Variants in PTPRG observed in about 807,000 individuals in gnomAD.
The protein encoded by PTPRG is protein tyrosine phosphatase receptor type G, also known as receptor-type tyrosine-protein phosphatase gamma.
In PTPRG, 102 loss-of-function variants were observed where a neutral mutation model predicts 165.3. The ratio of observed to expected loss-of-function variants is 0.62; its 90% CI spans 0.53 to 0.73. PTPRG has a LOEUF of 0.73. Among genes scored for constraint, PTPRG ranks in the 30% least tolerant of loss-of-function variants. PTPRG has a pLI of 0.00. For synonymous variants in PTPRG, 675 were observed against 669.5 expected, an observed-to-expected ratio of 1.01 and a Z score of -0.13; for missense variants, 1,866 against 1,861.4, an observed-to-expected ratio of 1.00 and a Z score of -0.05.
intron 1 of PTPRG, among the ~76,000 whole-genome samples, chr3:61,729,846 C>T (rs1184936369): frequency 6.6e-6 from 1 of 151,950 alleles, no homozygotes; most frequent in Non-Finnish European, 1.5e-5. Context: ...GCCTAATGTG[C>T]TTCTATAGTG....
At chr3:62,015,652 T>C (rs760536962) in intron 4 of PTPRG, among the ~76,000 whole-genome samples, 7 of 152,102 alleles carry the variant, frequency 4.6e-5, no homozygotes, top group Admixed American at 1.3e-4. Flanking sequence ...ATCTAGTTTA[T>C]GTTTTAGAAG....
At chr3:61,673,699 G>T (rs1180279897) in intron 1 of PTPRG, among the ~76,000 whole-genome samples, 5 of 152,174 alleles carry the variant, frequency 3.3e-5, no homozygotes, top group Non-Finnish European at 5.9e-5. Context: ...CACCACCCGA[G>T]TAATGTACCT....
intron 1 of PTPRG, among the ~76,000 whole-genome samples, chr3:61,572,666 G>GCTTT (rs1435533847): frequency 6.6e-6 from 1 of 152,194 alleles, no homozygotes; most frequent in African/African-American, 2.4e-5. Context: ...ACAGATGGAA[G>GCTTT]CCCCGGCCCT....
chr3:61,941,646 G>A (rs530396418), intron 2 of PTPRG, among the ~76,000 whole-genome samples: 3 of 149,372 alleles, frequency 2.0e-5, no homozygotes, highest in Non-Finnish European at 3.0e-5. Context: ...AAAACAGGTC[G>A]TGATTTATAG....
chr3:61,919,047 G>T (rs1260217094), intron 2 of PTPRG, among the ~76,000 whole-genome samples: 2 of 152,166 alleles, frequency 1.3e-5, no homozygotes, highest in East Asian at 3.9e-4. Context: ...TTTTGCACTT[G>T]GTTCCCTGTG....
intron 1 of PTPRG, among the ~76,000 whole-genome samples, chr3:61,674,089 G>C (rs1436023728): frequency 6.6e-6 from 1 of 151,814 alleles, no homozygotes; most frequent in African/African-American, 2.4e-5. Context: ...TAGATGACGG[G>C]TTGATGGGTG....
intron 5 of PTPRG, among the ~76,000 whole-genome samples, chr3:62,120,205 A>G (rs1703014744): frequency 6.6e-6 from 1 of 152,290 alleles, no homozygotes; most frequent in South Asian, 2.1e-4. Context: ...CAGAGAAAGC[A>G]GGCAAACCAG....
intron 5 of PTPRG, among the ~76,000 whole-genome samples, chr3:62,101,895 C>T (rs189023938): frequency 2.0e-5 from 3 of 152,204 alleles, no homozygotes; most frequent in Non-Finnish European, 4.4e-5. Flanking sequence ...TTTTGCCGTA[C>T]ACAAATAAAC....
intron 4 of PTPRG, among the ~76,000 whole-genome samples, chr3:62,061,941 T>C (rs1700827965): frequency 2.0e-5 from 3 of 152,010 alleles, no homozygotes; most frequent in Admixed American, 2.0e-4. Context: ...CCTGGCTTTC[T>C]CTTGATGCCA....
intron 1 of PTPRG, among the ~76,000 whole-genome samples, chr3:61,661,055 T>TC (rs113048997): frequency 2.0e-5 from 3 of 151,304 alleles, no homozygotes; most frequent in Admixed American, 6.6e-5. Flanking sequence ...GGACACTTTT[T>TC]CCCCCCCTAA....
intron 2 of PTPRG, among the ~76,000 whole-genome samples, chr3:61,866,150 G>T (rs1037846141): frequency 1.3e-5 from 2 of 152,206 alleles, no homozygotes; most frequent in Non-Finnish European, 2.9e-5. Context: ...CGGTCCTCCT[G>T]CATCCAGGAA....
At chr3:61,705,720 A>G (rs995557873) in intron 1 of PTPRG, among the ~76,000 whole-genome samples, 3 of 152,194 alleles carry the variant, frequency 2.0e-5, no homozygotes, top group African/African-American at 7.2e-5. Context: ...TGCACATAGT[A>G]GGGATTAAAT....
intron 5 of PTPRG, among the ~76,000 whole-genome samples, chr3:62,081,117 C>T (rs554552149): frequency 8.0e-4 from 122 of 151,800 alleles, no homozygotes; most frequent in Non-Finnish European, 1.4e-3. Flanking sequence ...ATTAGCCGGG[C>T]GTGGTGGCGG....
At chr3:61,984,993 C>T (rs1022452092) in intron 2 of PTPRG, among the ~76,000 whole-genome samples, 5 of 152,230 alleles carry the variant, frequency 3.3e-5, no homozygotes, top group Non-Finnish European at 7.3e-5. Flanking sequence ...ATTTGCCCTT[C>T]TTACCACTTC....
intron 5 of PTPRG, among the ~76,000 whole-genome samples, chr3:62,092,439 G>GAAACAAAA (rs1701970973): frequency 1.1e-5 from 1 of 89,436 alleles, no homozygotes; most frequent in South Asian, 3.9e-4. Flanking sequence ...GAGTCCATCT[G>GAAACAAAA]AAAAAAAAAA....
In PTPRG at chr3:62,255,348, C is replaced by A; in HGVS notation, c.2559+133C>A. The stretch of plus-strand genomic sequence containing the variant: ...CGGAAAGTGGAGTTTTTCTTTTCAT[C>A]TATTATTTTAATAGGCATTCTTTTC... On this transcript the variant is annotated intron_variant, in intron 16 of 29. Transcript: ENST00000474889. This position sits in a 1 kb window ranked among gnomAD's most constrained non-coding sequence, Gnocchi z 4.0. 1 of 664,698 alleles carries A rather than the reference C, an allele frequency of 1.5e-6. No homozygotes were observed. Among genetic ancestry groups the A allele is most frequent in the Non-Finnish European group, 2.5e-6 (1 of 404,746 alleles). 41.2% of individuals were successfully genotyped at this position (664,698 alleles called of 1,614,324 possible).
At position 61,566,128 on chromosome 3, in the gene PTPRG, T is replaced by C. The variant is rs531296097; in HGVS notation, c.85+3756T>C. On this transcript the variant is annotated intron_variant, in intron 1 of 29. Coordinates refer to ENST00000474889, the MANE Select transcript of PTPRG (RefSeq NM_002841.4). ...AGGCATAAACAGGGCCTTTTGGAAA[T>C]AGGGGAAGTTGCTGTTGTTGCTGAA... Among the ~76,000 whole-genome samples, 12 of 152,270 alleles carry C rather than the reference T, an allele frequency of 7.9e-5. 1 individual carries two copies. In the South Asian group the frequency reaches 2.5e-3, roughly 32 times the overall value.
chr3:61,827,877 C>A (rs1333431280), intron 2 of PTPRG, among the ~76,000 whole-genome samples: 1 of 152,034 alleles, frequency 6.6e-6, no homozygotes, highest in African/African-American at 2.4e-5. Context: ...TTAAATATGT[C>A]TATAACAGAT....
Position 61,569,527 on chromosome 3 carries a change from CA to C in PTPRG, c.85+7156del, listed in dbSNP as rs567413194. Among the ~76,000 whole-genome samples, 280 of 152,212 alleles carry C rather than the reference CA, an allele frequency of 1.8e-3. 1 individual carries two copies. The highest frequency in any genetic ancestry group is 6.1e-3 in the African/African-American group (253 of 41,526). On this transcript the variant is annotated intron_variant, in intron 1 of 29. Coordinates refer to ENST00000474889, the MANE Select transcript of PTPRG (RefSeq NM_002841.4). ...AGACCGGGTCTCTCCCTGTGTTGCC[CA>C]GGCTGGTCTTAAACTCCTGACCTCA...
Sources: gnomAD v4.1 joint callset for allele counts (sites outside exome capture counted in the v4.1 genomes callset) on GRCh38, gnomAD v4.1.1 for gene constraint, Gnocchi (gnomAD v3.1) non-coding constraint, MANE v1.5 for transcripts, NCBI Gene and HGNC (gene_info 2026-07-23, HGNC 2026-07-21) for gene names.